Variants in INTS15 observed in about 807,000 individuals in gnomAD.
The protein encoded by INTS15 is integrator complex subunit 15, also known as uncharacterized protein C7orf26.
At chr7:6,596,751 C>T in the INTS15 span, among the ~76,000 whole-genome samples, 8 of 151,938 alleles carry the variant, frequency 5.3e-5, no homozygotes, top group South Asian at 2.1e-4. Context: ...AACATGCAAG[C>T]GCGTGCATAT....
At chr7:6,607,514 A>C in the INTS15 span, 7 of 1,306,884 alleles carry the variant, frequency 5.4e-6, no homozygotes, top group Non-Finnish European at 7.1e-6. The surrounding 1 kb of genome is among the most constrained non-coding windows in gnomAD (Gnocchi z 6.0). Flanking sequence ...AGGGGGCCGC[A>C]CCGGACTCAT....
the INTS15 span, chr7:6,608,369 C>T: frequency 1.4e-6 from 2 of 1,415,204 alleles, no homozygotes; most frequent in East Asian, 2.6e-5. Context: ...AAGAGTCCAG[C>T]CTCTGCCGAG....
the INTS15 span, among the ~76,000 whole-genome samples, chr7:6,599,514 A>G: frequency 6.6e-6 from 1 of 152,214 alleles, no homozygotes; most frequent in African/African-American, 2.4e-5. Context: ...AATTTTATCT[A>G]AATTAACATG....
At chr7:6,590,347 T>G in the INTS15 span, 1 of 1,604,614 alleles carries the variant, frequency 6.2e-7, no homozygotes. Flanking sequence ...GGAGGTGTTG[T>G]ACCACCTGGA....
the INTS15 span, chr7:6,599,806 GA>G: frequency 6.2e-7 from 1 of 1,607,246 alleles, no homozygotes; most frequent in South Asian, 1.1e-5. Flanking sequence ...GAGTGCTCCT[GA>G]CCTAATGGTC....
chr7:6,598,018 G>T, the INTS15 span, among the ~76,000 whole-genome samples: 29 of 152,206 alleles, frequency 1.9e-4, no homozygotes, highest in African/African-American at 6.5e-4. Context: ...ACATGCCAAC[G>T]TGTATGATGA....
At chr7:6,596,822 G>C in the INTS15 span, among the ~76,000 whole-genome samples, 1 of 151,938 alleles carries the variant, frequency 6.6e-6, no homozygotes, top group Admixed American at 6.6e-5. Context: ...TCGCTCTGTC[G>C]CCCAGGCTGG....
the INTS15 span, among the ~76,000 whole-genome samples, chr7:6,605,573 C>T: frequency 6.6e-6 from 1 of 152,202 alleles, no homozygotes; most frequent in African/African-American, 2.4e-5. Context: ...ACTCTTGACT[C>T]CATCCCTTCC....
chr7:6,593,717 G>C, the INTS15 span, among the ~76,000 whole-genome samples: 1 of 150,554 alleles, frequency 6.6e-6, no homozygotes, highest in African/African-American at 2.4e-5. Flanking sequence ...TGTGACCACG[G>C]GGCTCACTGC....
the INTS15 span, among the ~76,000 whole-genome samples, chr7:6,592,655 G>T: frequency 1.3e-5 from 2 of 151,220 alleles, no homozygotes; most frequent in Non-Finnish European, 1.5e-5. Context: ...GTCACCCAGG[G>T]TGGAGTGCAG....
chr7:6,597,154 C>T, the INTS15 span, among the ~76,000 whole-genome samples: 1 of 152,172 alleles, frequency 6.6e-6, no homozygotes, highest in Admixed American at 6.6e-5. Context: ...GGAGCAGGGC[C>T]ACGCTGCTGC....
chr7:6,598,735 TTGTGTGTGTGTGTGTGTGTGTG>T, the INTS15 span, among the ~76,000 whole-genome samples: 99 of 83,620 alleles, frequency 1.2e-3, no homozygotes, highest in Middle Eastern at 7.4e-3. Flanking sequence ...GCTGTATGCT[TTGTGTGTGTGTGTGTGTGTGTG>T]TGTGTGTGTG....
chr7:6,599,704 G>A, the INTS15 span: 3 of 881,540 alleles, frequency 3.4e-6, no homozygotes, highest in African/African-American at 1.7e-5. Context: ...GCTAAGCCAG[G>A]AGGCGTGATC....
chr7:6,590,708 C>G, the INTS15 span, among the ~76,000 whole-genome samples: 2 of 152,226 alleles, frequency 1.3e-5, no homozygotes, highest in South Asian at 2.1e-4. Flanking sequence ...GTTAAAGGGA[C>G]AAACTGGCGA....
chr7:6,590,473 A>G, the INTS15 span: 1 of 1,585,508 alleles, frequency 6.3e-7, no homozygotes, highest in Non-Finnish European at 8.6e-7. Flanking sequence ...CGCGCAGCCC[A>G]AGGTGCGGCC....
At chr7:6,607,437 G>C in the INTS15 span, 1 of 834,284 alleles carries the variant, frequency 1.2e-6, no homozygotes, top group East Asian at 6.3e-5. This position sits in a 1 kb window ranked among gnomAD's most constrained non-coding sequence, Gnocchi z 6.0. Context: ...GGCTGCGCGG[G>C]GCGGGGTGGG....
the INTS15 span, chr7:6,607,610 C>T: frequency 2.8e-6 from 4 of 1,410,560 alleles, no homozygotes; most frequent in African/African-American, 5.8e-5. The surrounding 1 kb of genome is among the most constrained non-coding windows in gnomAD (Gnocchi z 6.0). Flanking sequence ...AGGGCGCGGT[C>T]ATTCTCGGCT....
chr7:6,603,449 A>G, the INTS15 span, among the ~76,000 whole-genome samples: 2 of 151,918 alleles, frequency 1.3e-5, no homozygotes, highest in Non-Finnish European at 2.9e-5. Context: ...TGGGAGGCTG[A>G]GGCTGGAGAA....
chr7:6,608,643 T>A, the INTS15 span: 1 of 485,194 alleles, frequency 2.1e-6, no homozygotes, highest in Non-Finnish European at 2.7e-6. Flanking sequence ...GGAATTCCCC[T>A]CACCTCGGAA....
Sources: gnomAD v4.1 joint callset for allele counts (sites outside exome capture counted in the v4.1 genomes callset) on GRCh38, gnomAD v4.1.1 for gene constraint, Gnocchi (gnomAD v3.1) non-coding constraint, MANE v1.5 for transcripts, NCBI Gene and HGNC (gene_info 2026-07-23, HGNC 2026-07-21) for gene names.